The following LYPD6B variants were observed in gnomAD, a reference collection of about 807,000 sequenced individuals.
LYPD6B encodes the protein LY6/PLAUR domain containing 6B.
A neutral mutation model predicts 22.8 loss-of-function variants in LYPD6B; 17 were observed. The observed-to-expected ratio is 0.75, with a 90% CI of 0.51 to 1.12. LYPD6B has a LOEUF of 1.12. Ranked by LOEUF, LYPD6B falls within the 50% of genes most tolerant of loss-of-function variation. The probability of loss-of-function intolerance (pLI) is 0.00; values close to 1 mark genes in which losing one functional copy is unlikely to be tolerated. For synonymous variants in LYPD6B, 106 were observed against 91.6 expected (o/e 1.16, Z -0.90); for missense variants, 221 against 258.3 (o/e 0.86, Z 0.99).
At chr2:149,154,682 G>C (rs1689587584) in intron 2 of LYPD6B, among the ~76,000 whole-genome samples, 1 of 152,042 alleles carries the variant, frequency 6.6e-6, no homozygotes, top group Admixed American at 6.6e-5. Context: ...GGGATGGGGT[G>C]GGGTGGGGTG....
chr2:149,133,990 A>G (rs2105720666), intron 2 of LYPD6B, among the ~76,000 whole-genome samples: 1 of 152,296 alleles, frequency 6.6e-6, no homozygotes, highest in South Asian at 2.1e-4. Flanking sequence ...CTATGCGAAA[A>G]CAAATAAATG....
At chr2:149,123,775 G>A (rs1447046045) in intron 1 of LYPD6B, among the ~76,000 whole-genome samples, 3 of 152,144 alleles carry the variant, frequency 2.0e-5, no homozygotes, top group East Asian at 1.9e-4. Flanking sequence ...CAGGAGAATC[G>A]CTTGAACCCA....
At chr2:149,068,331 G>A (rs1684436552) in intron 1 of LYPD6B, among the ~76,000 whole-genome samples, 3 of 152,144 alleles carry the variant, frequency 2.0e-5, no homozygotes, top group Admixed American at 2.0e-4. Context: ...TCCAAGTCTA[G>A]TTGTTCCAAG....
chr2:149,125,958 G>T (rs1346044025), intron 1 of LYPD6B, among the ~76,000 whole-genome samples: 1 of 152,052 alleles, frequency 6.6e-6, no homozygotes, highest in Non-Finnish European at 1.5e-5. Flanking sequence ...TCCTCATTGG[G>T]TGTTCTAGTT....
rs554281500 is a variant in LYPD6B at position 149,111,834 on chromosome 2, A to G, written c.-66-19049A>G. ...AAAGTCAGGAAGATGAGGAAGAGCCATTAAAGGAGACCAAGAAGAAATGGC... is the reference window on the plus strand; with the variant it reads ...AAAGTCAGGAAGATGAGGAAGAGCCGTTAAAGGAGACCAAGAAGAAATGGC... On this transcript the variant is annotated intron_variant, in intron 1 of 6. Coordinates refer to ENST00000409642, the MANE Select transcript of LYPD6B (RefSeq NM_177964.5). Among the ~76,000 whole-genome samples, 3 of 152,284 alleles carry G rather than the reference A, an allele frequency of 2.0e-5. No homozygotes were observed. The South Asian group carries it at 6.2e-4, about 32-fold the overall frequency.
intron 5 of LYPD6B, among the ~76,000 whole-genome samples, chr2:149,212,402 A>AAAAAAAAAAAC (rs1693926098): frequency 6.6e-6 from 1 of 150,464 alleles, no homozygotes; most frequent in Non-Finnish European, 1.5e-5. Context: ...AAAAAAAAAA[A>AAAAAAAAAAAC]AAGAAATTAT....
chr2:149,049,662 A>G (rs1218271857), intron 1 of LYPD6B, among the ~76,000 whole-genome samples: 1 of 152,218 alleles, frequency 6.6e-6, no homozygotes, highest in Non-Finnish European at 1.5e-5. Flanking sequence ...GCTAGGTAAC[A>G]TGCCCAGGAT....
intron 2 of LYPD6B, among the ~76,000 whole-genome samples, chr2:149,148,753 GCCT>G (rs992961070): frequency 2.0e-5 from 3 of 152,210 alleles, no homozygotes; most frequent in African/African-American, 7.2e-5. Flanking sequence ...TTGCCAGTTT[GCCT>G]CCTCTTGTTG....
At chr2:149,099,758 C>G (rs532721048) in intron 1 of LYPD6B, among the ~76,000 whole-genome samples, 7 of 152,162 alleles carry the variant, frequency 4.6e-5, no homozygotes, top group Admixed American at 2.0e-4. Context: ...CCTTTAAAAC[C>G]CTGTTTGTCC....
At chr2:149,059,491 A>G (rs1445795189) in intron 1 of LYPD6B, among the ~76,000 whole-genome samples, 1 of 152,256 alleles carries the variant, frequency 6.6e-6, no homozygotes, top group Non-Finnish European at 1.5e-5. Flanking sequence ...TGAAGAATAT[A>G]TAGCTGGAGA....
Position 149,107,322 on chromosome 2 carries a change from T to C in LYPD6B, c.-66-23561T>C, listed in dbSNP as rs551988121. ...ACAAAGCGATGTTTTACCTTCCTGG[T>C]GGGATGAAGCTGGACCGTGTGATAT... On this transcript the variant is annotated intron_variant, in intron 1 of 6. Coordinates refer to ENST00000409642, the MANE Select transcript of LYPD6B (RefSeq NM_177964.5). Among the ~76,000 whole-genome samples, 3 of 152,328 alleles carry C rather than the reference T, an allele frequency of 2.0e-5. No homozygotes were observed. The South Asian group carries it at 6.2e-4, about 32-fold the overall frequency.
intron 3 of LYPD6B, among the ~76,000 whole-genome samples, chr2:149,200,261 T>A (rs1693066361): frequency 6.6e-6 from 1 of 152,254 alleles, no homozygotes; most frequent in Non-Finnish European, 1.5e-5. Flanking sequence ...GAAGTTGGCC[T>A]TGTGCTTGCT....
At chr2:149,133,395 C>T (rs75158065) in intron 2 of LYPD6B, among the ~76,000 whole-genome samples, 18,380 of 152,198 alleles carry the variant, frequency 0.12, 1,447 homozygotes, top group Non-Finnish European at 0.16. Flanking sequence ...ATCTTAGTAC[C>T]TTTCCTTCCT....
intron 1 of LYPD6B, among the ~76,000 whole-genome samples, chr2:149,050,932 A>T (rs1683521529): frequency 6.6e-6 from 1 of 152,146 alleles, no homozygotes; most frequent in South Asian, 2.1e-4. Context: ...ATTATAAAAG[A>T]TGTATAAAAT....
At chr2:149,100,446 G>T (rs971375131) in intron 1 of LYPD6B, among the ~76,000 whole-genome samples, 4 of 128,842 alleles carry the variant, frequency 3.1e-5, no homozygotes, top group Admixed American at 8.2e-5. Flanking sequence ...AAAAAAGCCC[G>T]GGCTGGAGTC....
intron 3 of LYPD6B, among the ~76,000 whole-genome samples, chr2:149,174,795 G>T (rs1297273217): frequency 6.6e-6 from 1 of 151,508 alleles, no homozygotes. Context: ...GGTTGGGGGG[G>T]TGGGAGGAGG....
At chr2:149,203,969 GA>G (rs1476395312) in intron 3 of LYPD6B, among the ~76,000 whole-genome samples, 1 of 152,198 alleles carries the variant, frequency 6.6e-6, no homozygotes, top group Non-Finnish European at 1.5e-5. Context: ...ACGTGCATGT[GA>G]AGGATTATGC....
At chr2:149,096,468 G>C (rs1413298147) in intron 1 of LYPD6B, among the ~76,000 whole-genome samples, 1 of 152,116 alleles carries the variant, frequency 6.6e-6, no homozygotes, top group African/African-American at 2.4e-5. Context: ...ATACCCTATG[G>C]GTTAAATTTC....
chr2:149,048,897 A>G (rs771944407), intron 1 of LYPD6B, among the ~76,000 whole-genome samples: 1 of 152,144 alleles, frequency 6.6e-6, no homozygotes. Flanking sequence ...CTCAGCCCTT[A>G]CTTGGGAAGC....
Sources: allele counts gnomAD v4.1 joint callset (sites outside exome capture counted in the v4.1 genomes callset), GRCh38; gene constraint gnomAD v4.1.1; transcripts MANE v1.5; gene names NCBI Gene and HGNC (gene_info 2026-07-23, HGNC 2026-07-21).